The following EEF2K variants were observed in gnomAD, a reference collection of about 807,000 sequenced individuals.
EEF2K encodes eukaryotic elongation factor 2 kinase.
EEF2K carries 70 observed loss-of-function variants against 93.8 expected under a neutral mutation model. The observed-to-expected ratio is 0.75, with a 90% CI of 0.62 to 0.91. The LOEUF (loss-of-function observed/expected upper bound fraction) is 0.91, where lower values mean the gene tolerates loss of function less well. Ranked by LOEUF, EEF2K falls within the 40% of genes least tolerant of loss-of-function variation. The pLI, the probability that EEF2K is intolerant of heterozygous loss-of-function variation, is 0.00. For missense variants in EEF2K, 935 were observed against 972.9 expected (o/e 0.96, Z 0.52); for synonymous variants, 376 against 380.8 (o/e 0.99, Z 0.15).
Position 22,224,845 on chromosome 16 carries a change from C to T in EEF2K, c.-76-809C>T, listed in dbSNP as rs145024739. On this transcript the variant is annotated intron_variant, in intron 1 of 17. Coordinates refer to ENST00000263026, the MANE Select transcript of EEF2K (RefSeq NM_013302.5). ...GTAGGCACCTGGAATCCCAGCTACG[C>T]GCGAGGCTGAGGCAGCAGAATCGCT... Among the ~76,000 whole-genome samples, 1,206 of 151,572 alleles carry T rather than the reference C, an allele frequency of 8.0e-3. 18 individuals are homozygous for T. The highest frequency in any genetic ancestry group is 0.027 in the African/African-American group (1,112 of 41,296).
At chr16:22,271,966 T>C (rs1019978474) in intron 15 of EEF2K, among the ~76,000 whole-genome samples, 1 of 152,226 alleles carries the variant, frequency 6.6e-6, no homozygotes, top group African/African-American at 2.4e-5. Flanking sequence ...AATCAGATGG[T>C]AGTTTTAAAT....
chr16:22,260,581 A>G, intron 11 of EEF2K, 52 bp downstream of exon 11: 2 of 1,609,930 alleles, frequency 1.2e-6, no homozygotes, highest in Non-Finnish European at 1.7e-6. Flanking sequence ...CAGGGGTAGG[A>G]GTGGATTCAC....
In EEF2K at chr16:22,257,384, A is replaced by G. The variant is rs758285957; in HGVS notation, c.900A>G (p.Leu300=). 7.4e-6 allele frequency: 12 copies of G among 1,612,990 alleles called. No individual in the cohort carries two copies. Among genetic ancestry groups the G allele is most frequent in the African/African-American group, 1.3e-5 (1 of 74,956 alleles). The change falls in exon 8 of 18, where the codon CTA becomes CTG. Residue 300 remains leucine, a splice_region_variant and synonymous_variant. Transcript: ENST00000263026. ...GCACTGACTTTGGAGACGGCAACCT[A>G]GGTACGTGGGGAAAGCCAGCCTGTT... The part of the protein sequence containing the change: ...ETGTDFGDGN[L]GVRGMALFFY...
chr16:22,251,107 A>ACCCCAGAGTACCCAGGTAGGC, intron 5 of EEF2K, 44 bp from the exon 6 acceptor site: 1 of 1,585,498 alleles, frequency 6.3e-7, no homozygotes, highest in Non-Finnish European at 8.6e-7. Context: ...TCCCTGGTGA[A>ACCCCAGAGTACCCAGGTAGGC]CCCCAGAGTA....
intron 4 of EEF2K, among the ~76,000 whole-genome samples, 190 bp from the exon 5 acceptor site, chr16:22,250,464 G>A (rs1161410423): frequency 6.6e-6 from 1 of 152,062 alleles, no homozygotes; most frequent in African/African-American, 2.4e-5. Context: ...CATCCTGGCA[G>A]CCTCTGGGTT....
In EEF2K at chr16:22,248,802, A is replaced by G. The variant is rs568498620; in HGVS notation, c.395A>G (p.Lys132Arg). ...TGGCTGGATGATGAAGTTCTGATCA[A>G]GATGGCATCTCAGGTGAGCAGAGCG... The part of the protein sequence containing the change: ...GEWLDDEVLI[K>R]MASQPFGRGA... Residue 132 changes from lysine to arginine, a missense_variant, in exon 4 of 18, where the codon AAG becomes AGG. By Grantham distance (26) the Lys-to-Arg change is conservative. Transcript: ENST00000263026. 259 of 1,614,058 alleles carry G rather than the reference A, an allele frequency of 1.6e-4. 1 individual carries two copies. Among genetic ancestry groups the G allele is most frequent in the South Asian group, 7.5e-4 (68 of 91,078 alleles).
intron 16 of EEF2K, among the ~76,000 whole-genome samples, chr16:22,277,061 GT>G (rs1299806852): frequency 7.1e-6 from 1 of 139,950 alleles, no homozygotes; most frequent in Non-Finnish European, 1.5e-5. Flanking sequence ...ATGAAATGCC[GT>G]CTTAAAACAA....
intron 6 of EEF2K, among the ~76,000 whole-genome samples, chr16:22,256,278 G>A (rs1161506237): frequency 6.6e-6 from 1 of 151,810 alleles, no homozygotes; most frequent in Non-Finnish European, 1.5e-5. Flanking sequence ...TGTATTTTTG[G>A]TAGAGACAGG....
chr16:22,253,486 A>G (rs2047370706), intron 6 of EEF2K, among the ~76,000 whole-genome samples: 1 of 151,962 alleles, frequency 6.6e-6, no homozygotes. Flanking sequence ...TCCTGCCCCA[A>G]AACCTTGGCC....
intron 1 of EEF2K, among the ~76,000 whole-genome samples, chr16:22,222,494 C>T (rs1044102819): frequency 2.0e-5 from 3 of 150,812 alleles, no homozygotes; most frequent in African/African-American, 7.3e-5. Flanking sequence ...CAGACATGAA[C>T]CACCACATCC....
Position 22,226,937 on chromosome 16 carries a change from C to T in EEF2K, c.246+962C>T, listed in dbSNP as rs542048641. On this transcript the variant is annotated intron_variant, in intron 2 of 17. Coordinates refer to ENST00000263026, the MANE Select transcript of EEF2K (RefSeq NM_013302.5). ...AAAATAGGCTGGGTGCAGTGGCTTA[C>T]GCCTGTAATCCCAGCAGTTGGGGAG... is the stretch of plus-strand genomic sequence containing the variant. Among the ~76,000 whole-genome samples the T allele has an allele frequency of 5.9e-5, 9 of 152,272 alleles. No individual in the cohort carries two copies. In the East Asian group the frequency reaches 1.2e-3, roughly 20 times the overall value.
chr16:22,263,301 C>T (rs775604623), intron 12 of EEF2K, 114 bp downstream of exon 12: 1 of 914,608 alleles, frequency 1.1e-6, no homozygotes, highest in East Asian at 3.5e-5. Context: ...GAGAAGATAA[C>T]AAGTAAATTA....
At chr16:22,238,357 G>A (rs1222714599) in intron 2 of EEF2K, among the ~76,000 whole-genome samples, 1 of 152,116 alleles carries the variant, frequency 6.6e-6, no homozygotes, top group East Asian at 1.9e-4. Context: ...CCAAGTGTAT[G>A]TGATCATCCC....
intron 1 of EEF2K, among the ~76,000 whole-genome samples, chr16:22,222,448 A>T (rs1392833626): frequency 1.3e-5 from 2 of 151,810 alleles, no homozygotes; most frequent in African/African-American, 4.8e-5. Flanking sequence ...GGCTCAAGCG[A>T]TCCTCCCACC....
Position 22,250,748 on chromosome 16 carries a change from G to C in EEF2K, c.446+57G>C, listed in dbSNP as rs1598186931. The C allele has an allele frequency of 3.1e-6, 5 of 1,609,308 alleles. No individual in the cohort carries two copies. In the East Asian group the frequency reaches 1.1e-4, roughly 36 times the overall value. Reference sequence around the variant, plus strand: ...GCCCAGAGTCCCCCCAGGCTCCTAAGAGCTGAGGCATTGGGACATTTTCAG... The same window carrying C: ...GCCCAGAGTCCCCCCAGGCTCCTAACAGCTGAGGCATTGGGACATTTTCAG... On this transcript the variant is annotated intron_variant, in intron 5 of 17. Coordinates refer to ENST00000263026, the MANE Select transcript of EEF2K (RefSeq NM_013302.5).
chr16:22,280,387 G>A lies in EEF2K; in HGVS notation c.2068+11G>A, dbSNP rs2047681802. 1 of 1,490,616 alleles carries A rather than the reference G, an allele frequency of 6.7e-7. No individual in the cohort carries two copies. Among genetic ancestry groups the A allele is most frequent in the East Asian group, 2.6e-5 (1 of 38,968 alleles). The allele number at this position is 1,490,616 out of a possible 1,614,324, so 92.3% of individuals were successfully genotyped here. ...ACCCGCAGAGATCAGGTAGGGCCTG[G>A]CAGACCTGCCCCTGGGCTGCAACAG... On this transcript the variant is annotated intron_variant, in intron 17 of 17. Transcript: ENST00000263026.
At chr16:22,257,872 T>C in intron 9 of EEF2K, 102 bp downstream of exon 9, 1 of 1,501,730 alleles carries the variant, frequency 6.7e-7, no homozygotes, top group East Asian at 2.3e-5. Flanking sequence ...AAGCAGTGCT[T>C]AACTGATGAA....
rs1036851836 is a variant in EEF2K, at chr16:22,244,214, G to A, written c.247-416G>A. ...ACTGCACTCCAGCCTGGGTGACAGA[G>A]TGAGACTCTGTTTCTATATATATAT... is the stretch of plus-strand genomic sequence containing the variant. On this transcript the variant is annotated intron_variant, in intron 2 of 17. Coordinates refer to ENST00000263026, the MANE Select transcript of EEF2K (RefSeq NM_013302.5). Among the ~76,000 whole-genome samples, 5 of 151,786 alleles carry A rather than the reference G, an allele frequency of 3.3e-5. No individual in the cohort carries two copies. In the South Asian group the frequency reaches 8.3e-4, roughly 25 times the overall value.
Position 22,273,756 on chromosome 16 carries a change from G to A in EEF2K, c.1889+6G>A, listed in dbSNP as rs1418731832. The stretch of plus-strand genomic sequence containing the variant: ...CAGAACCTCAGCCCGGACAGGTACT[G>A]CAGCTGTCACCCAGGAGGAGCTGGT... On this transcript the variant is annotated splice_donor_region_variant and intron_variant, in intron 16 of 17. Coordinates refer to ENST00000263026, the MANE Select transcript of EEF2K (RefSeq NM_013302.5). The A allele has an allele frequency of 1.2e-6, 2 of 1,612,652 alleles. No homozygotes were observed. Among genetic ancestry groups the A allele is most frequent in the South Asian group, 1.1e-5 (1 of 91,016 alleles).
Sources: gnomAD v4.1 joint callset for allele counts (sites outside exome capture counted in the v4.1 genomes callset) on GRCh38, gnomAD v4.1.1 for gene constraint, MANE v1.5 for transcripts, NCBI Gene and HGNC (gene_info 2026-07-23, HGNC 2026-07-21) for gene names.